The following KALRN variants were observed in gnomAD, a reference collection of about 807,000 sequenced individuals.
The protein encoded by KALRN is kalirin RhoGEF kinase.
In KALRN, 70 loss-of-function variants were observed where a neutral mutation model predicts 353.7. That is an observed-to-expected ratio of 0.20 (90% CI 0.16 to 0.24). The LOEUF (loss-of-function observed/expected upper bound fraction) is 0.24, where lower values mean the gene tolerates loss of function less well. Among genes scored for constraint, KALRN ranks in the 10% least tolerant of loss-of-function variants. The probability of loss-of-function intolerance (pLI) is 1.00; values close to 1 mark genes in which losing one functional copy is unlikely to be tolerated. For missense variants in KALRN, 2,791 were observed against 3,756.7 expected, an observed-to-expected ratio of 0.74 and a Z score of 6.72; for synonymous variants, 1,391 against 1,434.8, an observed-to-expected ratio of 0.97 and a Z score of 0.69.
intron 12 of KALRN, among the ~76,000 whole-genome samples, chr3:124,397,911 G>C (rs981745451): frequency 1.4e-4 from 21 of 152,180 alleles, no homozygotes; most frequent in Admixed American, 1.2e-3. Flanking sequence ...GTCCTTTCAG[G>C]ATTAATAATT....
rs554062968 is a variant in KALRN at position 124,721,906 on chromosome 3, C to G, written c.*2436C>G. The G allele has an allele frequency of 6.6e-6, 1 of 152,324 alleles. No individual in the cohort carries two copies. Among genetic ancestry groups the G allele is most frequent in the South Asian group, 2.1e-4 (1 of 4,820 alleles). The allele number at this position is 152,324 out of a possible 1,614,324, so 9.4% of individuals were successfully genotyped here. On this transcript the variant is annotated 3_prime_UTR_variant, in exon 60 of 60. Transcript: ENST00000682506. ...CCGGAAGGCGGAGGTTGCCGTGAGC[C>G]GAGATTGCACCACTGCACTCTAGCC...
At chr3:124,099,207 CTCTT>C (rs1332318810) in intron 1 of KALRN, among the ~76,000 whole-genome samples, 26 of 152,298 alleles carry the variant, frequency 1.7e-4, no homozygotes, top group Admixed American at 6.5e-5. Context: ...CTAGAACTTA[CTCTT>C]TCTGTCTATA....
intron 26 of KALRN, among the ~76,000 whole-genome samples, 198 bp from the exon 27 acceptor site, chr3:124,477,047 G>A (rs1008401415): frequency 1.3e-5 from 2 of 152,108 alleles, no homozygotes; most frequent in Non-Finnish European, 2.9e-5. Context: ...CTTTCTCCAC[G>A]TGCTGACAGG....
chr3:124,043,893 G>A (rs964094201), intron 1 of KALRN, among the ~76,000 whole-genome samples: 1 of 152,126 alleles, frequency 6.6e-6, no homozygotes, highest in African/African-American at 2.4e-5. Flanking sequence ...AGAAGTAAGT[G>A]AGGAGAGGAG....
At chr3:124,499,043 A>T (rs1298513631) in intron 33 of KALRN, among the ~76,000 whole-genome samples, 1 of 152,184 alleles carries the variant, frequency 6.6e-6, no homozygotes, top group Non-Finnish European at 1.5e-5. Context: ...GGGTGGAGAC[A>T]GCTCACCCAA....
intron 1 of KALRN, among the ~76,000 whole-genome samples, chr3:124,119,020 T>C (rs184129814): frequency 6.6e-6 from 1 of 152,338 alleles, no homozygotes; most frequent in East Asian, 1.9e-4. Context: ...AGAGCCCAGC[T>C]TTCTTCCTTC....
chr3:124,109,410 A>G (rs2062625041), intron 1 of KALRN, among the ~76,000 whole-genome samples: 1 of 151,792 alleles, frequency 6.6e-6, no homozygotes, highest in Non-Finnish European at 1.5e-5. Context: ...CAATTATTGT[A>G]TTTTTTAGTG....
At chr3:124,346,305 T>A (rs35531303) in intron 9 of KALRN, among the ~76,000 whole-genome samples, 1,804 of 152,260 alleles carry the variant, frequency 0.012, 18 homozygotes, top group South Asian at 0.019. Flanking sequence ...GCCTCTCAAG[T>A]GCCCCTCAGG....
intron 34 of KALRN, among the ~76,000 whole-genome samples, chr3:124,569,638 C>T (rs1289738921): frequency 6.6e-6 from 1 of 152,058 alleles, no homozygotes; most frequent in Non-Finnish European, 1.5e-5. Flanking sequence ...CCCAAGGTCT[C>T]ACTTTACCAC....
chr3:124,413,390 G>C (rs1014999800), intron 13 of KALRN, 80 bp from the exon 14 acceptor site: 4 of 1,184,690 alleles, frequency 3.4e-6, no homozygotes, highest in Non-Finnish European at 4.8e-6. Context: ...TCATGAATAA[G>C]GCTTGGAATT....
At chr3:124,572,327 AAAAAAACAAAAAAC>A (rs1003825528) in intron 34 of KALRN, among the ~76,000 whole-genome samples, 7 of 151,878 alleles carry the variant, frequency 4.6e-5, no homozygotes, top group Middle Eastern at 3.4e-3. Flanking sequence ...CCCATCTCAA[AAAAAAACAAAAAAC>A]AAAAAACAAA....
At chr3:124,607,941 C>G (rs954823415) in intron 34 of KALRN, among the ~76,000 whole-genome samples, 1 of 151,752 alleles carries the variant, frequency 6.6e-6, no homozygotes, top group African/African-American at 2.4e-5. Context: ...TTGTATCCTG[C>G]TTTTTTTCCA....
chr3:124,433,132 G>T (rs1027352094), intron 16 of KALRN, among the ~76,000 whole-genome samples: 1 of 152,182 alleles, frequency 6.6e-6, no homozygotes, highest in East Asian at 1.9e-4. Context: ...TTTTGACAGT[G>T]TTACTAGAGG....
chr3:124,155,195 A>T (rs1039006693), intron 1 of KALRN, among the ~76,000 whole-genome samples: 3 of 152,214 alleles, frequency 2.0e-5, no homozygotes, highest in African/African-American at 7.2e-5. Context: ...GGACATAGGC[A>T]TGGGCAAGGA....
At chr3:124,420,906 C>G (rs1200259149) in intron 14 of KALRN, among the ~76,000 whole-genome samples, 1 of 152,074 alleles carries the variant, frequency 6.6e-6, no homozygotes. Context: ...GGGGAAATCT[C>G]CCAAATGGGA....
chr3:124,299,766 G>A (rs1560500269), intron 6 of KALRN, among the ~76,000 whole-genome samples: 1 of 152,312 alleles, frequency 6.6e-6, no homozygotes, highest in East Asian at 1.9e-4. Flanking sequence ...TAAGGATGGA[G>A]GAGTTCACTC....
intron 34 of KALRN, among the ~76,000 whole-genome samples, chr3:124,564,006 A>G (rs1308715770): frequency 2.5e-5 from 1 of 39,444 alleles, no homozygotes; most frequent in East Asian, 9.8e-4. Flanking sequence ...ACTCTGTCTC[A>G]AAAAAAAAAA....
At chr3:124,245,296 A>G (rs2080988224) in intron 3 of KALRN, among the ~76,000 whole-genome samples, 1 of 152,100 alleles carries the variant, frequency 6.6e-6, no homozygotes, top group Non-Finnish European at 1.5e-5. Context: ...AGTTCCATCC[A>G]TGTTGCTGCA....
Position 124,264,609 on chromosome 3 carries a change from C to A in KALRN, c.375C>A (p.Ile125=), listed in dbSNP as rs781647596. The change falls in exon 4 of 60, where the codon ATC becomes ATA. Residue 125 remains isoleucine (I), a synonymous_variant. Transcript: ENST00000682506. ...TGCAGGAAGCCTTTCCAGCTGAGATCCATGTGGCCCTCATCATTAAACCCG... is the reference window on the plus strand; with the variant it reads ...TGCAGGAAGCCTTTCCAGCTGAGATACATGTGGCCCTCATCATTAAACCCG... The part of the protein sequence containing the change: ...KTLQEAFPAE[I]HVALIIKPDN... 5 of 1,614,084 alleles carry A rather than the reference C, an allele frequency of 3.1e-6. No homozygotes were observed. The highest frequency in any genetic ancestry group is 4.2e-6 in the Non-Finnish European group (5 of 1,180,036).
Sources: gnomAD v4.1 joint callset for allele counts (sites outside exome capture counted in the v4.1 genomes callset) on GRCh38, gnomAD v4.1.1 for gene constraint, MANE v1.5 for transcripts, NCBI Gene and HGNC (gene_info 2026-07-23, HGNC 2026-07-21) for gene names.